Variants in CYRIB observed in about 807,000 individuals in gnomAD.
CYRIB encodes CYFIP related Rac1 interactor B.
Under a neutral mutation model 44.2 loss-of-function variants are expected in CYRIB, and 8 were observed. The ratio of observed to expected loss-of-function variants is 0.18; its 90% CI spans 0.11 to 0.33. The LOEUF (loss-of-function observed/expected upper bound fraction) is 0.33. Among genes scored for constraint, CYRIB ranks in the 10% least tolerant of loss-of-function variants. The probability of loss-of-function intolerance (pLI) is 1.00; values close to 1 mark genes in which losing one functional copy is unlikely to be tolerated. For synonymous variants in CYRIB, 131 were observed against 127.2 expected (o/e 1.03, Z -0.20); for missense variants, 185 against 382.8 (o/e 0.48, Z 4.31).
intron 5 of CYRIB, among the ~76,000 whole-genome samples, chr8:129,856,429 A>G (rs909159484): frequency 1.3e-5 from 2 of 152,192 alleles, no homozygotes; most frequent in Non-Finnish European, 2.9e-5. Context: ...ACTAATACTA[A>G]TATTAAATAC....
intron 2 of CYRIB, among the ~76,000 whole-genome samples, chr8:129,897,540 G>A (rs901321178): frequency 6.6e-6 from 1 of 150,492 alleles, no homozygotes; most frequent in African/African-American, 2.5e-5. Context: ...TTACCCATCA[G>A]ATTATGTATG....
At chr8:129,999,205 C>A (rs2096852273) in intron 1 of CYRIB, among the ~76,000 whole-genome samples, 1 of 152,192 alleles carries the variant, frequency 6.6e-6, no homozygotes, top group South Asian at 2.1e-4. Context: ...AAGTAGGCAG[C>A]CACACTCCTC....
chr8:129,972,326 C>T (rs1259097254), intron 1 of CYRIB, among the ~76,000 whole-genome samples: 1 of 152,158 alleles, frequency 6.6e-6, no homozygotes, highest in South Asian at 2.1e-4. Flanking sequence ...AGGCCAGGCA[C>T]GGTGGCTCAC....
intron 1 of CYRIB, among the ~76,000 whole-genome samples, chr8:129,928,324 GAA>G (rs1184855913): frequency 3.8e-5 from 2 of 52,580 alleles, no homozygotes; most frequent in African/African-American, 6.0e-5. Context: ...CATCTCTTAA[GAA>G]AAAAAAAAAA....
At chr8:129,948,303 C>T (rs141706414) in intron 2 of CYRIB, among the ~76,000 whole-genome samples, 2 of 152,146 alleles carry the variant, frequency 1.3e-5, no homozygotes, top group Non-Finnish European at 2.9e-5. Context: ...GCCCTACCCT[C>T]GAGGAGAGGT....
intron 1 of CYRIB, among the ~76,000 whole-genome samples, chr8:130,003,133 G>A (rs776985424): frequency 6.6e-6 from 1 of 152,148 alleles, no homozygotes; most frequent in Non-Finnish European, 1.5e-5. Flanking sequence ...TGAGGTGGGA[G>A]GATTGCTTGA....
intron 1 of CYRIB, among the ~76,000 whole-genome samples, chr8:129,912,036 T>C (rs986778506): frequency 1.3e-5 from 2 of 152,218 alleles, no homozygotes; most frequent in African/African-American, 4.8e-5. Context: ...CTCTATAAGC[T>C]CAAACTCTGT....
chr8:129,993,002 C>A (rs1455670435), intron 1 of CYRIB, among the ~76,000 whole-genome samples: 1 of 152,128 alleles, frequency 6.6e-6, no homozygotes, highest in African/African-American at 2.4e-5. Context: ...TTCTACAAAA[C>A]AAAGGTGGGG....
At chr8:130,003,686 C>T (rs987837894) in intron 1 of CYRIB, among the ~76,000 whole-genome samples, 1 of 152,218 alleles carries the variant, frequency 6.6e-6, no homozygotes, top group Non-Finnish European at 1.5e-5. Flanking sequence ...TCAGGTTCCT[C>T]TTCTTTTGGT....
At chr8:129,938,257 T>C (rs937096615) in intron 1 of CYRIB, among the ~76,000 whole-genome samples, 1 of 152,196 alleles carries the variant, frequency 6.6e-6, no homozygotes, top group African/African-American at 2.4e-5. Context: ...CTGTTTCTAT[T>C]ACTAAATACA....
chr8:129,847,896 G>T (rs2041068052), intron 10 of CYRIB, among the ~76,000 whole-genome samples: 1 of 152,112 alleles, frequency 6.6e-6, no homozygotes, highest in Non-Finnish European at 1.5e-5. Flanking sequence ...CTGCCTCCTG[G>T]ATTTAAGCGA....
chr8:129,973,378 G>C (rs1297976993), intron 1 of CYRIB, among the ~76,000 whole-genome samples: 4 of 152,242 alleles, frequency 2.6e-5, no homozygotes, highest in Non-Finnish European at 5.9e-5. Flanking sequence ...ATTCAGTTAA[G>C]CACAGGAGGT....
At chr8:130,013,783 G>A (rs896989201) in intron 1 of CYRIB, among the ~76,000 whole-genome samples, 1 of 152,190 alleles carries the variant, frequency 6.6e-6, no homozygotes, top group Non-Finnish European at 1.5e-5. Flanking sequence ...GAGGAACCAC[G>A]GGACAACCAT....
intron 1 of CYRIB, among the ~76,000 whole-genome samples, chr8:130,002,867 C>T (rs1030874312): frequency 9.2e-5 from 14 of 152,174 alleles, no homozygotes; most frequent in Admixed American, 6.5e-4. Context: ...GGAAGCCAAG[C>T]GAGGAGGGTG....
intron 1 of CYRIB, among the ~76,000 whole-genome samples, chr8:130,013,581 C>CA (rs1455059327): frequency 6.6e-6 from 1 of 152,208 alleles, no homozygotes; most frequent in East Asian, 1.9e-4. Context: ...TTGCTGAAGA[C>CA]AGCCAAGTCC....
At chr8:129,906,103 T>G (rs1208873214) in intron 1 of CYRIB, among the ~76,000 whole-genome samples, 1 of 152,032 alleles carries the variant, frequency 6.6e-6, no homozygotes, top group Non-Finnish European at 1.5e-5. Flanking sequence ...AAAAACTACT[T>G]TAAAGTTCAT....
intron 5 of CYRIB, among the ~76,000 whole-genome samples, chr8:129,859,917 C>G: frequency 6.6e-6 from 1 of 152,264 alleles, no homozygotes; most frequent in Middle Eastern, 3.4e-3. Flanking sequence ...CCACATTTAC[C>G]AGGGCAGTGT....
intron 4 of CYRIB, among the ~76,000 whole-genome samples, chr8:129,870,391 G>A (rs143335031): frequency 1.2e-3 from 188 of 152,292 alleles, no homozygotes; most frequent in African/African-American, 4.1e-3. Context: ...GCAGGGTGAC[G>A]GAGCTAAACC....
At chr8:129,991,971 A>G (rs536957572) in intron 1 of CYRIB, among the ~76,000 whole-genome samples, 7,669 of 134,662 alleles carry the variant, frequency 0.057, 511 homozygotes, top group South Asian at 0.18. Context: ...AAAAAAAAAA[A>G]ACAATAGGAA....
Sources: allele counts gnomAD v4.1 joint callset (sites outside exome capture counted in the v4.1 genomes callset), GRCh38; gene constraint gnomAD v4.1.1; transcripts MANE v1.5; gene names NCBI Gene and HGNC (gene_info 2026-07-23, HGNC 2026-07-21).